Variants in TET2 observed in about 807,000 individuals in gnomAD.
TET2 encodes the protein methylcytosine dioxygenase TET2.
Under a neutral mutation model 142.9 loss-of-function variants are expected in TET2, and 299 were observed. That is an observed-to-expected ratio of 2.09 (90% confidence interval 1.90 to 2.30). TET2 has a LOEUF of 2.30. Among genes scored for constraint, TET2 ranks in the 30% most tolerant of loss-of-function variants. The pLI, the probability that TET2 is intolerant of heterozygous loss-of-function variation, is 0.00. For missense variants in TET2, 2,418 were observed against 2,378.0 expected, an observed-to-expected ratio of 1.02 and a Z score of -0.35; for synonymous variants, 819 against 849.0, an observed-to-expected ratio of 0.96 and a Z score of 0.61.
chr4:105,236,769 C>A lies in TET2; in HGVS notation c.2827C>A (p.Gln943Lys), dbSNP rs1048995426. The change falls in exon 3 of 11, where the codon CAG becomes AAG. Residue 943 changes from glutamine (Q) to lysine (K), a missense_variant. Coordinates refer to ENST00000380013, the MANE Select transcript of TET2 (RefSeq NM_001127208.3). ...AGGAAGTCACACTCAGACCCCTCCC[C>A]AGAAGGACACTCAAAAGCATGCTGC... ...QGGSHTQTPP[Q>K]KDTQKHAALR... The A allele has an allele frequency of 1.2e-6, 2 of 1,614,110 alleles. No individual in the cohort carries two copies. Among genetic ancestry groups the A allele is most frequent in the Admixed American group, 1.7e-5 (1 of 59,996 alleles).
chr4:105,223,850 G>A (rs559172894), intron 2 of TET2, among the ~76,000 whole-genome samples: 8 of 152,138 alleles, frequency 5.3e-5, no homozygotes, highest in East Asian at 1.9e-4. Flanking sequence ...AGTGATTCCC[G>A]TAAGTTTGAT....
intron 8 of TET2, 123 bp from the exon 9 acceptor site, chr4:105,269,487 T>C (rs933021768): frequency 8.9e-5 from 92 of 1,034,616 alleles, no homozygotes; most frequent in Non-Finnish European, 1.1e-5. Flanking sequence ...CCATTTTGTT[T>C]CTGGATATAT....
chr4:105,259,747 T>C lies in TET2; in HGVS notation c.3932T>C (p.Leu1311Pro). ...AGCAAGATCCCAAGGAAGTTTAAGC[T>C]GCTTGGGGATGACCCAAAAGAGGTT... The part of the protein sequence containing the change: ...ARSKIPRKFK[L>P]LGDDPKEEEK... The change falls in exon 7 of 11, where the codon CTG becomes CCG. Residue 1311 changes from leucine (L) to proline (P), a missense_variant. Transcript: ENST00000380013. 1 of 1,550,866 alleles carries C rather than the reference T, an allele frequency of 6.4e-7. No homozygotes were observed. The highest frequency in any genetic ancestry group is 8.7e-7 in the Non-Finnish European group (1 of 1,146,416).
chr4:105,149,678 C>T (rs1454522521), intron 1 of TET2, among the ~76,000 whole-genome samples: 1 of 152,152 alleles, frequency 6.6e-6, no homozygotes, highest in African/African-American at 2.4e-5. Flanking sequence ...TCTTATTGAA[C>T]TAATCATCAA....
At chr4:105,205,536 A>T (rs1422642761) in intron 2 of TET2, among the ~76,000 whole-genome samples, 1 of 152,110 alleles carries the variant, frequency 6.6e-6, no homozygotes, top group Non-Finnish European at 1.5e-5. Flanking sequence ...TACTATTCTG[A>T]TTTGTTCTCC....
intron 6 of TET2, among the ~76,000 whole-genome samples, chr4:105,254,188 G>T (rs1578707981): frequency 1.3e-5 from 2 of 152,274 alleles, no homozygotes; most frequent in East Asian, 1.9e-4. Context: ...AGATTGTAGA[G>T]AATTCATATA....
chr4:105,247,420 T>G (rs1349905917), intron 6 of TET2, among the ~76,000 whole-genome samples: 1 of 152,214 alleles, frequency 6.6e-6, no homozygotes. Context: ...AGTAGTGTGA[T>G]CCCAGTTCAT....
chr4:105,168,001 G>A (rs1724253286), intron 1 of TET2, among the ~76,000 whole-genome samples: 1 of 152,126 alleles, frequency 6.6e-6, no homozygotes, highest in Admixed American at 6.5e-5. Flanking sequence ...GTATATTCAG[G>A]ATCTGACTAC....
intron 9 of TET2, 144 bp from the exon 10 acceptor site, chr4:105,272,420 T>C (rs1731007192): frequency 1.7e-6 from 1 of 593,406 alleles, no homozygotes; most frequent in Non-Finnish European, 2.9e-6. Context: ...GTAGGATGGT[T>C]TTATGGTAAT....
intron 1 of TET2, among the ~76,000 whole-genome samples, chr4:105,188,588 G>A (rs958996088): frequency 6.6e-6 from 1 of 152,072 alleles, no homozygotes. Flanking sequence ...TTATTTATGA[G>A]GCTAAAAGTG....
chr4:105,186,193 G>A (rs1725430354), intron 1 of TET2, among the ~76,000 whole-genome samples: 1 of 152,156 alleles, frequency 6.6e-6, no homozygotes, highest in African/African-American at 2.4e-5. Flanking sequence ...TCGTGCCACT[G>A]CACTTGAGCC....
At chr4:105,205,717 C>T (rs187992453) in intron 2 of TET2, among the ~76,000 whole-genome samples, 8 of 152,168 alleles carry the variant, frequency 5.3e-5, no homozygotes, top group South Asian at 2.1e-4. Flanking sequence ...CTGCAACCTC[C>T]GCCTCCCGGT....
At chr4:105,246,357 A>G (rs1325487297) in intron 6 of TET2, among the ~76,000 whole-genome samples, 1 of 152,262 alleles carries the variant, frequency 6.6e-6, no homozygotes, top group African/African-American at 2.4e-5. Context: ...GAAAGCTTGT[A>G]GTTTGTTAGT....
rs1353500057 is a variant in TET2, at chr4:105,166,138, A to G, written c.-193+19159A>G. Reference sequence around the variant, plus strand: ...TCACTTACAATGCCATGATTGTAATAAATAAAATTCACTGTAACACCTAGC... The same window carrying G: ...TCACTTACAATGCCATGATTGTAATGAATAAAATTCACTGTAACACCTAGC... On this transcript the variant is annotated intron_variant, in intron 1 of 10. Transcript: ENST00000380013. 2.6e-5 allele frequency among the ~76,000 whole-genome samples: 4 copies of G among 152,300 alleles called. No individual in the cohort carries two copies. In the East Asian group the frequency reaches 5.8e-4, roughly 22 times the overall value.
In TET2 at chr4:105,235,079, T is replaced by C. The variant is rs1251743021; in HGVS notation, c.1137T>C (p.Ala379=). The change falls in exon 3 of 11, where the codon GCT becomes GCC. Residue 379 remains alanine (A), a synonymous_variant. Coordinates refer to ENST00000380013, the MANE Select transcript of TET2 (RefSeq NM_001127208.3). ...TAAAACAAAATGAAATGAATGGTGC[T>C]TACTTCAAGCAAAGCTCAGTGTTCA... ...RYLKQNEMNG[A]YFKQSSVFTK... 3.7e-6 allele frequency: 6 copies of C among 1,614,006 alleles called. No individual in the cohort carries two copies. Among genetic ancestry groups the C allele is most frequent in the Non-Finnish European group, 5.1e-6 (6 of 1,180,032 alleles).
At chr4:105,268,146 T>C (rs1410437258) in intron 8 of TET2, among the ~76,000 whole-genome samples, 4 of 152,180 alleles carry the variant, frequency 2.6e-5, no homozygotes, top group African/African-American at 7.2e-5. Flanking sequence ...ACTGTACTTA[T>C]TTGCAGATGA....
At chr4:105,267,539 T>TAA (rs35668673) in intron 8 of TET2, among the ~76,000 whole-genome samples, 165 of 127,618 alleles carry the variant, frequency 1.3e-3, no homozygotes, top group Middle Eastern at 4.1e-3. Context: ...CTTAAACCAC[T>TAA]AAAAAAAAAA....
intron 3 of TET2, chr4:105,237,955 CT>C (rs1729055856): frequency 2.0e-6 from 2 of 983,240 alleles, no homozygotes; most frequent in South Asian, 4.8e-5. Context: ...AAAATTTCAT[CT>C]TTTTGATTAA....
intron 2 of TET2, among the ~76,000 whole-genome samples, chr4:105,225,183 AT>A (rs1273868243): frequency 1.9e-5 from 1 of 52,102 alleles, no homozygotes; most frequent in African/African-American, 1.2e-4. Context: ...ATAGTAAAAA[AT>A]CGTGTGTGTG....
Sources: gnomAD v4.1 joint callset for allele counts (sites outside exome capture counted in the v4.1 genomes callset) on GRCh38, gnomAD v4.1.1 for gene constraint, MANE v1.5 for transcripts, NCBI Gene and HGNC (gene_info 2026-07-23, HGNC 2026-07-21) for gene names.